Variants in ALK observed in about 807,000 individuals in gnomAD.
ALK encodes ALK tyrosine kinase receptor.
In ALK, 74 loss-of-function variants were observed where a neutral mutation model predicts 163.1. That is an observed-to-expected ratio of 0.45 (90% confidence interval 0.38 to 0.55). ALK has a LOEUF of 0.55. ALK is among the 20% of genes least tolerant of loss of function. The pLI is 0.00. For synonymous variants in ALK, 960 were observed against 843.2 expected (o/e 1.14, Z -2.40); for missense variants, 2,063 against 2,105.3 (o/e 0.98, Z 0.39).
At chr2:29,645,394 T>C (rs567666384) in intron 3 of ALK, among the ~76,000 whole-genome samples, 30 of 152,278 alleles carry the variant, frequency 2.0e-4, no homozygotes, top group African/African-American at 6.3e-4. Context: ...TTCTTTCATA[T>C]AAGACCCAAT....
chr2:29,499,489 C>G (rs963621517), intron 4 of ALK, among the ~76,000 whole-genome samples: 2 of 152,176 alleles, frequency 1.3e-5, no homozygotes, highest in African/African-American at 4.8e-5. Flanking sequence ...AGCCACTGCA[C>G]CCGGCTCCTA....
chr2:29,553,172 G>A (rs191604035), intron 3 of ALK, among the ~76,000 whole-genome samples: 7 of 152,230 alleles, frequency 4.6e-5, no homozygotes, highest in African/African-American at 1.4e-4. Flanking sequence ...TTTGGGAAGC[G>A]ATTTAGTCAT....
chr2:29,346,692 A>T (rs561684144), intron 5 of ALK, among the ~76,000 whole-genome samples: 23 of 152,212 alleles, frequency 1.5e-4, no homozygotes, highest in Non-Finnish European at 2.6e-4. Flanking sequence ...ATTTATTGTG[A>T]TCCCGGCATG....
intron 3 of ALK, among the ~76,000 whole-genome samples, chr2:29,648,283 C>T (rs1426206780): frequency 6.6e-6 from 1 of 152,104 alleles, no homozygotes; most frequent in Non-Finnish European, 1.5e-5. Flanking sequence ...AGCTGCCCCT[C>T]CCTCCTAATT....
chr2:29,251,617 G>A (rs1257268569), intron 11 of ALK, among the ~76,000 whole-genome samples: 1 of 152,180 alleles, frequency 6.6e-6, no homozygotes, highest in Admixed American at 6.5e-5. Context: ...GTTCCAGGAA[G>A]GGGAGAAGGC....
At chr2:29,869,223 T>C (rs746526147) in intron 1 of ALK, among the ~76,000 whole-genome samples, 65 of 152,206 alleles carry the variant, frequency 4.3e-4, no homozygotes, top group Non-Finnish European at 8.7e-4. Context: ...TATGCAACCA[T>C]ATAACAAGAG....
At chr2:29,592,804 G>A (rs1418987468) in intron 3 of ALK, among the ~76,000 whole-genome samples, 1 of 152,104 alleles carries the variant, frequency 6.6e-6, no homozygotes, top group Admixed American at 6.5e-5. Context: ...TTGAGACCCA[G>A]GGAAGACATA....
chr2:29,532,408 T>C (rs1316750158), intron 3 of ALK, among the ~76,000 whole-genome samples: 1 of 152,204 alleles, frequency 6.6e-6, no homozygotes, highest in East Asian at 1.9e-4. Flanking sequence ...CTTCGATTTT[T>C]CATCTGCAAA....
At chr2:29,563,489 G>C (rs778913086) in intron 3 of ALK, among the ~76,000 whole-genome samples, 14 of 152,172 alleles carry the variant, frequency 9.2e-5, no homozygotes, top group African/African-American at 3.1e-4. Flanking sequence ...GTGGGTCATG[G>C]CCTTCACCTG....
chr2:29,448,415 G>A (rs1299484125), intron 4 of ALK, among the ~76,000 whole-genome samples: 1 of 152,168 alleles, frequency 6.6e-6, no homozygotes, highest in East Asian at 1.9e-4. Flanking sequence ...AAGGGGGTGT[G>A]TGCCTCATGG....
chr2:29,487,438 T>C (rs999926828), intron 4 of ALK, among the ~76,000 whole-genome samples: 1 of 152,198 alleles, frequency 6.6e-6, no homozygotes, highest in African/African-American at 2.4e-5. Context: ...AGCTTAGAGC[T>C]TGTGGAAAGG....
chr2:29,517,358 G>C (rs931435783), intron 4 of ALK, among the ~76,000 whole-genome samples: 4 of 151,850 alleles, frequency 2.6e-5, no homozygotes, highest in Non-Finnish European at 1.5e-5. Context: ...GTATCTAGTG[G>C]GTCATTATAT....
chr2:29,903,552 A>T (rs1393737265), intron 1 of ALK, among the ~76,000 whole-genome samples: 1 of 152,126 alleles, frequency 6.6e-6, no homozygotes, highest in Non-Finnish European at 1.5e-5. Context: ...GTAGATATTT[A>T]TTTATCAGTT....
intron 1 of ALK, among the ~76,000 whole-genome samples, chr2:29,854,017 C>G (rs987940138): frequency 6.6e-6 from 1 of 151,498 alleles, no homozygotes. Context: ...TCAAGTGATT[C>G]TTCTGCCTCA....
At position 29,446,048 on chromosome 2, in the gene ALK, G is replaced by A. The variant is rs1341773316; in HGVS notation, c.1155-62189C>T. Among the ~76,000 whole-genome samples, 971 of 119,978 alleles carry A rather than the reference G, an allele frequency of 8.1e-3. 12 individuals are homozygous for A. The highest frequency in any genetic ancestry group is 0.027 in the African/African-American group (863 of 31,444). 78.7% of individuals were successfully genotyped at this position (119,978 alleles called of 152,430 possible). A position where few individuals can be genotyped will look rare whatever the true frequency, so the allele number is the denominator to read the frequency against. On this transcript the variant is annotated intron_variant, in intron 4 of 28. Coordinates refer to ENST00000389048, the MANE Select transcript of ALK (RefSeq NM_004304.5). ...CGGGAGGCGGAGCTTGCAGTGAGCCGAGATCCCGCCACTGCACTCCAGCCT... is the reference window on the plus strand; with the variant it reads ...CGGGAGGCGGAGCTTGCAGTGAGCCAAGATCCCGCCACTGCACTCCAGCCT...
chr2:29,623,196 C>A (rs116442947), intron 3 of ALK, among the ~76,000 whole-genome samples: 301 of 152,212 alleles, frequency 2.0e-3, no homozygotes, highest in Middle Eastern at 0.01. Context: ...CCCTGGCACT[C>A]CACTTCTGGG....
At chr2:29,200,074 T>C (rs1558608194) in intron 26 of ALK, among the ~76,000 whole-genome samples, 1 of 152,196 alleles carries the variant, frequency 6.6e-6, no homozygotes, top group Non-Finnish European at 1.5e-5. Context: ...ATTAGATCTC[T>C]TGATTTTGCT....
At chr2:29,303,168 G>GA (rs1406702040) in intron 8 of ALK, among the ~76,000 whole-genome samples, 2 of 152,094 alleles carry the variant, frequency 1.3e-5, no homozygotes, top group East Asian at 1.9e-4. Flanking sequence ...AACAAATCAA[G>GA]AAAAAACCAA....
At chr2:29,378,273 C>T (rs147790196) in intron 5 of ALK, among the ~76,000 whole-genome samples, 64 of 152,286 alleles carry the variant, frequency 4.2e-4, no homozygotes, top group African/African-American at 1.5e-3. Flanking sequence ...CAGAAAGCAC[C>T]TTGGGCTGGT....
Sources: gnomAD v4.1 joint callset for allele counts (sites outside exome capture counted in the v4.1 genomes callset) on GRCh38, gnomAD v4.1.1 for gene constraint, MANE v1.5 for transcripts, NCBI Gene and HGNC (gene_info 2026-07-23, HGNC 2026-07-21) for gene names.